Variants in INTS4 observed in about 807,000 individuals in gnomAD.
INTS4 encodes integrator complex subunit 4, also known as MSTP093.
A neutral mutation model predicts 119.5 loss-of-function variants in INTS4; 70 were observed. That is an observed-to-expected ratio of 0.59 (90% CI 0.48 to 0.71). INTS4 has a LOEUF of 0.71. Among genes scored for constraint, INTS4 ranks in the 30% least tolerant of loss-of-function variants. The pLI, the probability that INTS4 is intolerant of heterozygous loss-of-function variation, is 0.00. For synonymous variants in INTS4, 316 were observed against 419.6 expected (o/e 0.75, Z 3.02); for missense variants, 867 against 1,173.2 (o/e 0.74, Z 3.81).
intron 4 of INTS4, among the ~76,000 whole-genome samples, chr11:77,962,649 G>A (rs564620643): frequency 1.3e-5 from 2 of 151,686 alleles, no homozygotes; most frequent in South Asian, 4.2e-4. Context: ...CATACAGCAA[G>A]TTTAACAAAA....
intron 14 of INTS4, 71 bp from the exon 15 acceptor site, chr11:77,919,049 T>C (rs886443476): frequency 1.3e-6 from 2 of 1,503,052 alleles, no homozygotes; most frequent in African/African-American, 2.8e-5. Flanking sequence ...CACAAACACA[T>C]AAAAGCACAT....
rs1272209710 is a variant in INTS4 at position 77,891,387 on chromosome 11, C to T, written c.2524G>A (p.Val842Met). The T allele has an allele frequency of 2.5e-6, 4 of 1,612,452 alleles. No homozygotes were observed. Among genetic ancestry groups the T allele is most frequent in the East Asian group, 4.5e-5 (2 of 44,882 alleles). ...GTTGCATCAACATCCAGGGCAACCA[C>T]CAACCCAGAGGTAAACCGCAAAGGG... The part of the protein sequence containing the change: ...DNPLRFTSGL[V>M]VALDVDATLE... The change falls in exon 21 of 23, where the codon GTG (valine) becomes ATG (methionine). Residue 842 changes from valine to methionine, a missense_variant. Val to Met is a conservative substitution (Grantham distance 21, BLOSUM62 1). Coordinates refer to ENST00000534064, the MANE Select transcript of INTS4 (RefSeq NM_033547.4).
At chr11:77,981,739 T>TTCATTTATTTA (rs1856232726) in intron 2 of INTS4, among the ~76,000 whole-genome samples, 163 bp from the exon 3 acceptor site, 1 of 149,852 alleles carries the variant, frequency 6.7e-6, no homozygotes, top group South Asian at 2.1e-4. Context: ...GACAGCTTTC[T>TTCATTTATTTA]TTTATTTATT....
At chr11:77,878,704 C>T (rs766614133), downstream of INTS4, 11 of 693,150 alleles carry the variant, frequency 1.6e-5, no homozygotes, top group East Asian at 2.7e-5. Context: ...CTTTACAGAC[C>T]AGGAACTAGA....
At chr11:77,967,136 A>G (rs1304894443) in intron 4 of INTS4, among the ~76,000 whole-genome samples, 1 of 152,156 alleles carries the variant, frequency 6.6e-6, no homozygotes, top group East Asian at 1.9e-4. Context: ...GACCATCTAT[A>G]TGTCTTCTTT....
At chr11:77,925,372 T>C (rs1166486670) in intron 11 of INTS4, among the ~76,000 whole-genome samples, 2 of 152,202 alleles carry the variant, frequency 1.3e-5, no homozygotes, top group African/African-American at 2.4e-5. Context: ...GTTTGAAATA[T>C]TGCAAGAATT....
chr11:77,910,378 G>A (rs958986193), intron 15 of INTS4, among the ~76,000 whole-genome samples: 4 of 149,314 alleles, frequency 2.7e-5, no homozygotes, highest in African/African-American at 9.9e-5. Context: ...TCACTCATAG[G>A]TGGGAATTGA....
chr11:77,994,333 T>TA (rs1856814096), intron 1 of INTS4, among the ~76,000 whole-genome samples: 1 of 152,112 alleles, frequency 6.6e-6, no homozygotes, highest in South Asian at 2.1e-4. Context: ...TAAAATGAAA[T>TA]AACGGATAAG....
At chr11:77,921,785 C>G (rs1953367219) in intron 13 of INTS4, among the ~76,000 whole-genome samples, 1 of 152,176 alleles carries the variant, frequency 6.6e-6, no homozygotes, top group African/African-American at 2.4e-5. Flanking sequence ...AATCCCAACA[C>G]TTTGGGAGGC....
chr11:77,901,496 T>G lies in INTS4; in HGVS notation c.2153A>C (p.Gln718Pro). The G allele has an allele frequency of 1.2e-6, 2 of 1,612,352 alleles. No individual in the cohort carries two copies. The highest frequency in any genetic ancestry group is 1.7e-6 in the Non-Finnish European group (2 of 1,178,382). The change falls in exon 18 of 23, where the codon CAG becomes CCG. Residue 718 changes from glutamine (Q) to proline (P), a missense_variant. Coordinates refer to ENST00000534064, the MANE Select transcript of INTS4 (RefSeq NM_033547.4). ...EFMYSGVENK[Q>P]VVIIHHMRLQ... ...CCTCATGTGATGTATAATCACCACC[T>G]GCTTATTCTCCACACCACTGTACAT...
intron 18 of INTS4, among the ~76,000 whole-genome samples, chr11:77,895,580 C>G (rs1014007294): frequency 4.3e-5 from 4 of 93,914 alleles, no homozygotes; most frequent in African/African-American, 1.6e-4. Context: ...AGTTTTTAAA[C>G]TAATCTTCTA....
At chr11:77,960,642 A>G (rs1954446083) in intron 5 of INTS4, among the ~76,000 whole-genome samples, 1 of 152,184 alleles carries the variant, frequency 6.6e-6, no homozygotes, top group Admixed American at 6.5e-5. Context: ...AAGCCTAAAG[A>G]AAAAATGATT....
chr11:77,882,089 T>C (rs1359938674), intron 22 of INTS4, among the ~76,000 whole-genome samples: 1 of 152,110 alleles, frequency 6.6e-6, no homozygotes, highest in Non-Finnish European at 1.5e-5. Flanking sequence ...CTTTTTTATA[T>C]ATCTATTGTA....
At chr11:77,963,318 C>A in intron 4 of INTS4, 1 of 340,458 alleles carries the variant, frequency 2.9e-6, no homozygotes, top group Non-Finnish European at 5.3e-6. Flanking sequence ...TTAAGAACTG[C>A]TTTTCTGGCC....
chr11:77,875,699 A>G (rs899132123), downstream of INTS4, among the ~76,000 whole-genome samples: 2 of 152,226 alleles, frequency 1.3e-5, no homozygotes, highest in African/African-American at 4.8e-5. Context: ...AGAATATAGT[A>G]TAGGAGGCTG....
Position 77,994,658 on chromosome 11 carries a change from C to T in INTS4, c.-15G>A. On this transcript the variant is annotated 5_prime_UTR_variant, in exon 1 of 23. Coordinates refer to ENST00000534064, the MANE Select transcript of INTS4 (RefSeq NM_033547.4). ...TGCGCCGCCATGCCTACCCGCGGGCCCTCTCAGCTTCCGTACACTAGGAGG... is the reference window on the plus strand; with the variant it reads ...TGCGCCGCCATGCCTACCCGCGGGCTCTCTCAGCTTCCGTACACTAGGAGG... 3 of 1,614,092 alleles carry T rather than the reference C, an allele frequency of 1.9e-6. No homozygotes were observed. In the South Asian group the frequency reaches 3.3e-5, roughly 18 times the overall value.
intron 21 of INTS4, among the ~76,000 whole-genome samples, chr11:77,886,793 C>T (rs679155): frequency 0.38 from 57,487 of 151,912 alleles, 11,298 homozygotes; most frequent in African/African-American, 0.46. Context: ...TGCTAAGAAA[C>T]TCACTCAAAA....
chr11:77,913,746 T>G (rs1347931958), intron 15 of INTS4, among the ~76,000 whole-genome samples: 1 of 152,238 alleles, frequency 6.6e-6, no homozygotes, highest in African/African-American at 2.4e-5. Context: ...CCACAGCATC[T>G]GGCTCATAGG....
intron 4 of INTS4, among the ~76,000 whole-genome samples, chr11:77,964,483 AGAACGGCGT>A (rs1361573080): frequency 6.6e-6 from 1 of 152,074 alleles, no homozygotes; most frequent in Non-Finnish European, 1.5e-5. Flanking sequence ...CTGAGGCAGG[AGAACGGCGT>A]GAACCCAGGA....
Sources: allele counts gnomAD v4.1 joint callset (sites outside exome capture counted in the v4.1 genomes callset), GRCh38; gene constraint gnomAD v4.1.1; transcripts MANE v1.5; gene names NCBI Gene and HGNC (gene_info 2026-07-23, HGNC 2026-07-21).